Variants in APBB2 observed in about 807,000 individuals in gnomAD.
APBB2 encodes the protein amyloid beta precursor protein binding family B member 2, also known as Fe65-like 1.
In APBB2, 38 loss-of-function variants were observed where a neutral mutation model predicts 82.5. The ratio of observed to expected loss-of-function variants is 0.46; its 90% CI spans 0.36 to 0.60. The LOEUF is 0.60. APBB2 is among the 20% of genes least tolerant of loss of function. APBB2 has a pLI of 0.00. For synonymous variants in APBB2, 341 were observed against 368.2 expected (o/e 0.93, Z 0.85); for missense variants, 772 against 972.3 (o/e 0.79, Z 2.74).
intron 2 of APBB2, among the ~76,000 whole-genome samples, chr4:41,103,824 T>C (rs1746249749): frequency 6.6e-6 from 1 of 152,226 alleles, no homozygotes. Flanking sequence ...AGCTTCCTTG[T>C]CAATCACAAG....
intron 10 of APBB2, among the ~76,000 whole-genome samples, chr4:40,933,640 G>A (rs982396937): frequency 3.3e-5 from 5 of 152,208 alleles, no homozygotes; most frequent in African/African-American, 9.6e-5. Context: ...GTAGAGGGCA[G>A]TAGAAGTCTC....
chr4:41,137,786 T>C (rs892918607), intron 2 of APBB2, among the ~76,000 whole-genome samples: 3 of 152,080 alleles, frequency 2.0e-5, no homozygotes, highest in African/African-American at 7.2e-5. Flanking sequence ...CTAAGACCTA[T>C]ATGCAAAAAA....
intron 6 of APBB2, among the ~76,000 whole-genome samples, chr4:40,983,377 G>A (rs565974454): frequency 1.3e-5 from 2 of 152,046 alleles, no homozygotes; most frequent in African/African-American, 2.4e-5. Context: ...ACTGTTTCTC[G>A]AAAAAAGAAT....
intron 12 of APBB2, 110 bp downstream of exon 12, chr4:40,890,254 A>T (rs1297701444): frequency 1.4e-6 from 2 of 1,395,534 alleles, no homozygotes; most frequent in Non-Finnish European, 1.9e-6. Context: ...TTCTATATAG[A>T]AGCTACATGA....
At chr4:40,824,153 C>CA (rs1411830038) in intron 15 of APBB2, among the ~76,000 whole-genome samples, 1 of 151,600 alleles carries the variant, frequency 6.6e-6, no homozygotes, top group Non-Finnish European at 1.5e-5. Flanking sequence ...GACTCTGTCT[C>CA]AAAAAACAAA....
At chr4:41,098,993 G>A (rs188928633) in intron 3 of APBB2, among the ~76,000 whole-genome samples, 76 of 151,744 alleles carry the variant, frequency 5.0e-4, no homozygotes, top group African/African-American at 1.8e-3. Context: ...GTGATTACAA[G>A]ACAATAAAAT....
At chr4:40,967,731 C>T (rs967287146) in intron 6 of APBB2, among the ~76,000 whole-genome samples, 1 of 152,172 alleles carries the variant, frequency 6.6e-6, no homozygotes, top group African/African-American at 2.4e-5. Context: ...AGTGCAGTCT[C>T]CCAGGCCAAG....
chr4:41,118,869 G>A (rs1451186477), intron 2 of APBB2, among the ~76,000 whole-genome samples: 5 of 152,252 alleles, frequency 3.3e-5, no homozygotes, highest in Admixed American at 2.6e-4. Context: ...GCCGGGCGCG[G>A]TGGCTCACGC....
In APBB2 at chr4:41,013,821, G is replaced by GT; in HGVS notation, c.596_597insA (p.Ile200HisfsTer20). On this transcript the variant is annotated frameshift_variant, in exon 6 of 18. Transcript: ENST00000508593. LOFTEE classifies it high-confidence loss of function. ...GCAGCAAATCGCCATTCCCAATGAT[G>GT]GTGGAGGCCTGGCCCTGGACTGGCT... 1 of 1,614,190 alleles carries GT rather than the reference G, an allele frequency of 6.2e-7. No individual in the cohort carries two copies. The highest frequency in any genetic ancestry group is 8.5e-7 in the Non-Finnish European group (1 of 1,180,038).
intron 4 of APBB2, among the ~76,000 whole-genome samples, chr4:41,038,895 T>G (rs1343301707): frequency 6.6e-6 from 1 of 152,240 alleles, no homozygotes; most frequent in African/African-American, 2.4e-5. Context: ...GATGCTCACC[T>G]ATGTGTAGAA....
At position 40,928,863 on chromosome 4, in the gene APBB2, T is replaced by C. The variant is rs1172966008; in HGVS notation, c.1254+5593A>G. Among the ~76,000 whole-genome samples the C allele has an allele frequency of 2.6e-5, 4 of 151,382 alleles. No homozygotes were observed. In the East Asian group the frequency reaches 7.7e-4, roughly 29 times the overall value. On this transcript the variant is annotated intron_variant, in intron 10 of 17. Transcript: ENST00000508593. ...TCGCACCACTGCACTCCAGCCTGGA[T>C]GACAGAGTGAGCTCCCGTCTCAAAA...
chr4:41,106,516 G>A (rs567306071), intron 2 of APBB2, among the ~76,000 whole-genome samples: 29 of 151,870 alleles, frequency 1.9e-4, no homozygotes, highest in Non-Finnish European at 3.2e-4. Context: ...TTGCTCTGTT[G>A]CCCAGGCTGG....
intron 1 of APBB2, among the ~76,000 whole-genome samples, chr4:41,197,163 A>G: frequency 1.3e-5 from 2 of 152,136 alleles, no homozygotes; most frequent in Admixed American, 6.5e-5. Flanking sequence ...CTTTGTGCCA[A>G]TGTCTGGCCT....
intron 12 of APBB2, among the ~76,000 whole-genome samples, chr4:40,858,191 T>C (rs1761892371): frequency 6.6e-6 from 1 of 151,718 alleles, no homozygotes; most frequent in African/African-American, 2.4e-5. Flanking sequence ...TAAGTAAGAG[T>C]CCTGGCTAGC....
At chr4:40,842,317 C>T in intron 12 of APBB2, 1 of 444,716 alleles carries the variant, frequency 2.2e-6, no homozygotes. Flanking sequence ...GTGAGCTTTG[C>T]CAGACACGTT....
chr4:40,861,739 T>C (rs1004004552), intron 12 of APBB2, among the ~76,000 whole-genome samples: 1 of 152,246 alleles, frequency 6.6e-6, no homozygotes, highest in Non-Finnish European at 1.5e-5. Context: ...TTCTGGTACA[T>C]ATTACAGCTA....
At chr4:41,041,292 T>C (rs911005147) in intron 4 of APBB2, among the ~76,000 whole-genome samples, 1 of 152,244 alleles carries the variant, frequency 6.6e-6, no homozygotes, top group African/African-American at 2.4e-5. Flanking sequence ...GCCTGCTTAG[T>C]ACAATACACA....
intron 6 of APBB2, among the ~76,000 whole-genome samples, chr4:40,986,826 G>C (rs1800531413): frequency 6.6e-6 from 1 of 152,112 alleles, no homozygotes; most frequent in South Asian, 2.1e-4. Flanking sequence ...TAAACATGCA[G>C]GTGTAAAATA....
intron 1 of APBB2, among the ~76,000 whole-genome samples, chr4:41,194,655 C>A: frequency 2.0e-5 from 3 of 151,730 alleles, no homozygotes; most frequent in African/African-American, 4.8e-5. Context: ...CAGAGCAAGA[C>A]CTTGCCTCAA....
Sources: gnomAD v4.1 joint callset for allele counts (sites outside exome capture counted in the v4.1 genomes callset) on GRCh38, gnomAD v4.1.1 for gene constraint, MANE v1.5 for transcripts, NCBI Gene and HGNC (gene_info 2026-07-23, HGNC 2026-07-21) for gene names.